The following SUSD4 variants were observed in gnomAD, a reference collection of about 807,000 sequenced individuals.
SUSD4 encodes the protein sushi domain containing 4.
In SUSD4, 41 loss-of-function variants were observed where a neutral mutation model predicts 50.5. That is an observed-to-expected ratio of 0.81 (90% CI 0.63 to 1.05). The LOEUF is 1.05. SUSD4 is among the 50% of genes least tolerant of loss of function. The pLI, the probability that SUSD4 is intolerant of heterozygous loss-of-function variation, is 0.00. For missense variants in SUSD4, 580 were observed against 634.7 expected (o/e 0.91, Z 0.93); for synonymous variants, 257 against 257.3 (o/e 1.00, Z 0.01).
At chr1:223,285,291 C>T (rs1223265303) in intron 3 of SUSD4, among the ~76,000 whole-genome samples, 1 of 152,110 alleles carries the variant, frequency 6.6e-6, no homozygotes, top group East Asian at 1.9e-4. Context: ...CCAAGGGAGG[C>T]TTTGCCTTCA....
chr1:223,272,506 T>C (rs533062191), intron 3 of SUSD4, among the ~76,000 whole-genome samples: 1 of 152,330 alleles, frequency 6.6e-6, no homozygotes, highest in South Asian at 2.1e-4. Context: ...GCCTAAGGGA[T>C]GGAGCAGAAA....
intron 2 of SUSD4, among the ~76,000 whole-genome samples, chr1:223,337,278 A>T (rs1377509658): frequency 6.6e-6 from 1 of 152,228 alleles, no homozygotes; most frequent in Admixed American, 6.5e-5. Context: ...GGAATGAATG[A>T]TGTCTTCCAT....
chr1:223,250,384 G>A (rs1029209218), intron 5 of SUSD4, among the ~76,000 whole-genome samples: 1 of 152,174 alleles, frequency 6.6e-6, no homozygotes, highest in Non-Finnish European at 1.5e-5. Context: ...GGCAACATAT[G>A]CACATTATGT....
chr1:223,281,991 A>G (rs1421765125), intron 3 of SUSD4, among the ~76,000 whole-genome samples: 4 of 152,218 alleles, frequency 2.6e-5, no homozygotes, highest in African/African-American at 9.6e-5. Flanking sequence ...CAAAAACCAC[A>G]TGATTATCTC....
intron 2 of SUSD4, among the ~76,000 whole-genome samples, chr1:223,326,049 G>C (rs939061756): frequency 4.0e-5 from 6 of 151,640 alleles, no homozygotes; most frequent in African/African-American, 1.2e-4. Context: ...CCAAAAAAGA[G>C]CCCAGCATAA....
At chr1:223,276,413 G>A (rs1310477579) in intron 3 of SUSD4, among the ~76,000 whole-genome samples, 1 of 152,240 alleles carries the variant, frequency 6.6e-6, no homozygotes, top group African/African-American at 2.4e-5. Flanking sequence ...TGGTTCAGGA[G>A]TAACAGCTGT....
intron 2 of SUSD4, among the ~76,000 whole-genome samples, chr1:223,323,279 AAGG>A (rs1416616015): frequency 1.1e-4 from 16 of 152,054 alleles, no homozygotes; most frequent in South Asian, 6.2e-4. Context: ...AGGAGGAAAA[AAGG>A]AGAAGAGAGG....
At chr1:223,224,962 C>A (rs570358706) in intron 7 of SUSD4, among the ~76,000 whole-genome samples, 1 of 148,640 alleles carries the variant, frequency 6.7e-6, no homozygotes, top group Non-Finnish European at 1.5e-5. Flanking sequence ...CTCCGCCTCC[C>A]AGGCTCATGC....
At chr1:223,228,697 T>G (rs1213325385) in intron 6 of SUSD4, among the ~76,000 whole-genome samples, 1 of 152,158 alleles carries the variant, frequency 6.6e-6, no homozygotes. Flanking sequence ...TGTATTCTGA[T>G]ATGTGTCCTT....
At chr1:223,327,962 T>C (rs937296345) in intron 2 of SUSD4, among the ~76,000 whole-genome samples, 35 of 152,104 alleles carry the variant, frequency 2.3e-4, no homozygotes, top group Non-Finnish European at 4.3e-4. Context: ...AAGAGTACAG[T>C]AGGGAGAAGA....
chr1:223,288,208 G>C (rs535546516), intron 3 of SUSD4, among the ~76,000 whole-genome samples: 1 of 152,152 alleles, frequency 6.6e-6, no homozygotes, highest in African/African-American at 2.4e-5. Flanking sequence ...TGCTGTTCTC[G>C]TGATAGTGAG....
At chr1:223,259,227 A>G (rs1661923317) in intron 5 of SUSD4, among the ~76,000 whole-genome samples, 1 of 152,236 alleles carries the variant, frequency 6.6e-6, no homozygotes, top group African/African-American at 2.4e-5. Context: ...GAAATAGCAT[A>G]TGACACTGAT....
At chr1:223,338,252 AC>A (rs1356033470) in intron 2 of SUSD4, among the ~76,000 whole-genome samples, 1 of 152,160 alleles carries the variant, frequency 6.6e-6, no homozygotes, top group Admixed American at 6.5e-5. Context: ...AATACAAGGG[AC>A]CCCGAGGAGT....
chr1:223,258,735 G>A (rs1661879909), intron 5 of SUSD4, among the ~76,000 whole-genome samples: 2 of 152,150 alleles, frequency 1.3e-5, no homozygotes, highest in Non-Finnish European at 2.9e-5. Flanking sequence ...AGATCCTACA[G>A]TGATGTATTC....
chr1:223,273,377 G>T (rs968363535), intron 3 of SUSD4, among the ~76,000 whole-genome samples: 2 of 152,186 alleles, frequency 1.3e-5, no homozygotes, highest in Admixed American at 6.5e-5. Flanking sequence ...GTACAGTAAA[G>T]GATTAACTTA....
At chr1:223,308,814 G>A (rs923924550) in intron 2 of SUSD4, among the ~76,000 whole-genome samples, 5 of 152,126 alleles carry the variant, frequency 3.3e-5, no homozygotes, top group Non-Finnish European at 7.4e-5. Flanking sequence ...CCTCTGAGGT[G>A]GGCCTGCAAT....
chr1:223,234,837 T>A, intron 5 of SUSD4: 1 of 1,365,754 alleles, frequency 7.3e-7, no homozygotes, highest in East Asian at 2.7e-5. Context: ...TTCAAAACAA[T>A]GCCAGTTGGT....
intron 3 of SUSD4, among the ~76,000 whole-genome samples, chr1:223,281,917 T>C (rs1558211849): frequency 6.6e-6 from 1 of 152,228 alleles, no homozygotes; most frequent in Non-Finnish European, 1.5e-5. Flanking sequence ...ATCCCTAGGA[T>C]GCAAGGCTGG....
At chr1:223,340,954 C>T (rs1362563640) in intron 2 of SUSD4, among the ~76,000 whole-genome samples, 1 of 152,182 alleles carries the variant, frequency 6.6e-6, no homozygotes, top group African/African-American at 2.4e-5. Context: ...ATGTGGTTTG[C>T]ATGTTAGGTG....
Sources: allele counts gnomAD v4.1 joint callset (sites outside exome capture counted in the v4.1 genomes callset), GRCh38; gene constraint gnomAD v4.1.1; transcripts MANE v1.5; gene names NCBI Gene and HGNC (gene_info 2026-07-23, HGNC 2026-07-21).